Variants in CDKAL1 observed in about 807,000 individuals in gnomAD.
CDKAL1 encodes the protein CDKAL1 threonylcarbamoyladenosine tRNA methylthiotransferase.
Under a neutral mutation model 68.2 loss-of-function variants are expected in CDKAL1, and 32 were observed. The observed-to-expected ratio is 0.47, with a 90% confidence interval of 0.35 to 0.63. The LOEUF is 0.63. Among genes scored for constraint, CDKAL1 ranks in the 30% least tolerant of loss-of-function variants. CDKAL1 has a pLI of 0.00. For missense variants in CDKAL1, 606 were observed against 696.7 expected (o/e 0.87, Z 1.47); for synonymous variants, 234 against 244.3 (o/e 0.96, Z 0.39).
At chr6:20,895,927 A>G (rs960269179) in intron 9 of CDKAL1, among the ~76,000 whole-genome samples, 4 of 152,050 alleles carry the variant, frequency 2.6e-5, no homozygotes, top group Non-Finnish European at 5.9e-5. Context: ...TCTCCACTGC[A>G]GCCTCTGATA....
intron 11 of CDKAL1, among the ~76,000 whole-genome samples, chr6:21,003,371 T>TATATATATACACACACACAC: frequency 2.0e-5 from 1 of 49,312 alleles, no homozygotes; most frequent in African/African-American, 1.1e-4. Flanking sequence ...TATATATATA[T>TATATATATACACACACACAC]ACACACACAC....
intron 10 of CDKAL1, among the ~76,000 whole-genome samples, chr6:20,998,911 C>T (rs546458981): frequency 2.6e-4 from 40 of 152,256 alleles, no homozygotes; most frequent in African/African-American, 9.6e-4. Context: ...CTGGGCTTCC[C>T]CTTTGGCTAA....
chr6:20,984,814 G>T (rs113748577), intron 10 of CDKAL1, among the ~76,000 whole-genome samples: 2 of 42,658 alleles, frequency 4.7e-5, no homozygotes, highest in East Asian at 2.0e-3. Flanking sequence ...ACAGTAACGG[G>T]GGGGGGTGGG....
intron 5 of CDKAL1, among the ~76,000 whole-genome samples, chr6:20,738,375 C>T (rs768830524): frequency 9.9e-5 from 15 of 151,920 alleles, no homozygotes; most frequent in Admixed American, 2.0e-4. Flanking sequence ...ATATGCATAC[C>T]CGAGTGAATA....
chr6:20,537,197 C>T (rs956665322), intron 2 of CDKAL1, among the ~76,000 whole-genome samples: 6 of 152,094 alleles, frequency 3.9e-5, no homozygotes, highest in East Asian at 3.9e-4. Context: ...ACTGTGGAAT[C>T]GTGGTTCTTA....
Position 20,866,835 on chromosome 6 carries a change from G to A in CDKAL1, c.742+20657G>A, listed in dbSNP as rs142510455. On this transcript the variant is annotated intron_variant, in intron 9 of 15. Coordinates refer to ENST00000274695, the MANE Select transcript of CDKAL1 (RefSeq NM_017774.3). ...GGAAATTATTCCTGAAGCAGCGAGG[G>A]ATTGGTTCCCAATGCAGATTACAGG... Among the ~76,000 whole-genome samples, 1,136 of 152,296 alleles carry A rather than the reference G, an allele frequency of 7.5e-3. 4 individuals carry two copies. Among genetic ancestry groups the A allele is most frequent in the Non-Finnish European group, 1.0e-2 (678 of 68,020 alleles).
chr6:21,136,510 G>T (rs541498222), intron 13 of CDKAL1, among the ~76,000 whole-genome samples: 1 of 152,236 alleles, frequency 6.6e-6, no homozygotes, highest in African/African-American at 2.4e-5. Flanking sequence ...AAGGAACCTT[G>T]TTATAAAAGT....
At chr6:20,585,242 T>C (rs9368207) in intron 4 of CDKAL1, among the ~76,000 whole-genome samples, 34,792 of 151,652 alleles carry the variant, frequency 0.23, 4,944 homozygotes, top group East Asian at 0.53. Context: ...TTAGTAGAGA[T>C]GGGGTTTCAC....
In CDKAL1 at chr6:21,114,172, T is replaced by C. The variant is rs187776083; in HGVS notation, c.1299+5709T>C. ...CTGAGGCAGGAGAATGGCGTGAACC[T>C]GGGAGGCGGAGCTTGCAGTGAGCCG... On this transcript the variant is annotated intron_variant, in intron 13 of 15. Coordinates refer to ENST00000274695, the MANE Select transcript of CDKAL1 (RefSeq NM_017774.3). 5.7e-3 allele frequency among the ~76,000 whole-genome samples: 788 copies of C among 138,630 alleles called. 3 individuals are homozygous for C. The highest frequency in any genetic ancestry group is 6.0e-3 in the Non-Finnish European group (389 of 65,254). The allele number at this position is 138,630 out of a possible 152,430, so 90.9% of individuals were successfully genotyped here. A position where few individuals can be genotyped will look rare whatever the true frequency, so the allele number is the denominator to read the frequency against.
chr6:20,754,520 G>A (rs546858001), intron 6 of CDKAL1, among the ~76,000 whole-genome samples: 5 of 152,118 alleles, frequency 3.3e-5, no homozygotes, highest in East Asian at 1.9e-4. Flanking sequence ...CCTACGTTAC[G>A]GTTCTGATTT....
rs576971800 is a variant in CDKAL1 at position 20,738,495 on chromosome 6, T to G, written c.372-1024T>G. 3.7e-3 allele frequency among the ~76,000 whole-genome samples: 558 copies of G among 149,788 alleles called. 3 individuals are homozygous for G. The highest frequency in any genetic ancestry group is 8.1e-3 in the Admixed American group (122 of 15,074). On this transcript the variant is annotated intron_variant, in intron 5 of 15. Transcript: ENST00000274695. ...CATTTCTACTTCTTAGTTTTTTTTT[T>G]TTTTTTTTTTTGATACACAGTCTTG...
intron 9 of CDKAL1, among the ~76,000 whole-genome samples, chr6:20,861,471 A>G (rs1407852196): frequency 2.6e-5 from 4 of 152,226 alleles, no homozygotes; most frequent in African/African-American, 9.6e-5. Context: ...AGGTTGCATT[A>G]TTGCTTATAT....
chr6:21,211,274 A>G (rs914147635), intron 15 of CDKAL1, among the ~76,000 whole-genome samples: 4 of 152,228 alleles, frequency 2.6e-5, no homozygotes, highest in African/African-American at 9.6e-5. Flanking sequence ...GCACAGGGAA[A>G]TCACCTTTAG....
At chr6:21,181,544 C>T (rs971368888) in intron 13 of CDKAL1, among the ~76,000 whole-genome samples, 3 of 152,226 alleles carry the variant, frequency 2.0e-5, no homozygotes, top group African/African-American at 7.2e-5. Context: ...TGATCTTTGA[C>T]TTCCTGGCCT....
intron 13 of CDKAL1, among the ~76,000 whole-genome samples, chr6:21,194,702 G>C (rs923203542): frequency 6.6e-6 from 1 of 152,168 alleles, no homozygotes; most frequent in African/African-American, 2.4e-5. Flanking sequence ...GAAAGTGTAG[G>C]GGAAGTGGCT....
At chr6:20,684,404 T>C (rs778963913) in intron 5 of CDKAL1, among the ~76,000 whole-genome samples, 1 of 152,220 alleles carries the variant, frequency 6.6e-6, no homozygotes, top group Non-Finnish European at 1.5e-5. Flanking sequence ...ATCGTGTCAC[T>C]GCACTCCAGC....
chr6:20,676,365 G>C (rs1234909729), intron 5 of CDKAL1, among the ~76,000 whole-genome samples: 2 of 152,046 alleles, frequency 1.3e-5, no homozygotes, highest in Non-Finnish European at 2.9e-5. Flanking sequence ...GCCCTAGACA[G>C]GTGTACCATT....
chr6:20,550,716 A>G lies in CDKAL1; in HGVS notation c.286+2011A>G, dbSNP rs1268962748. On this transcript the variant is annotated intron_variant, in intron 4 of 15. Transcript: ENST00000274695. Reference sequence around the variant, plus strand: ...CGCATCTGTAGCTATTTCTGTATCTATTATGTGTACTAAATGGAACTATAA... The same window carrying G: ...CGCATCTGTAGCTATTTCTGTATCTGTTATGTGTACTAAATGGAACTATAA... Among the ~76,000 whole-genome samples the G allele has an allele frequency of 2.0e-5, 3 of 152,080 alleles. No homozygotes were observed. In the East Asian group the frequency reaches 5.8e-4, roughly 29 times the overall value.
At position 20,719,227 on chromosome 6, in the gene CDKAL1, A is replaced by G. The variant is rs147825657; in HGVS notation, c.372-20292A>G. Among the ~76,000 whole-genome samples, 682 of 152,318 alleles carry G rather than the reference A, an allele frequency of 4.5e-3. 4 individuals are homozygous for G. Among genetic ancestry groups the G allele is most frequent in the African/African-American group, 0.015 (644 of 41,578 alleles). On this transcript the variant is annotated intron_variant, in intron 5 of 15. Transcript: ENST00000274695. Reference sequence around the variant, plus strand: ...GATGAGTTCTGTGTACACTTTGTGCATTTAATTTGCCTCAGTCTTCTCAAT... The same window carrying G: ...GATGAGTTCTGTGTACACTTTGTGCGTTTAATTTGCCTCAGTCTTCTCAAT...
Sources: allele counts gnomAD v4.1 joint callset (sites outside exome capture counted in the v4.1 genomes callset), GRCh38; gene constraint gnomAD v4.1.1; transcripts MANE v1.5; gene names NCBI Gene and HGNC (gene_info 2026-07-23, HGNC 2026-07-21).